CACNA1D: variants seen among roughly 807,000 people sequenced by gnomAD.
CACNA1D encodes voltage-dependent L-type calcium channel subunit alpha-1D.
Under a neutral mutation model 257.1 loss-of-function variants are expected in CACNA1D, and 55 were observed. The ratio of observed to expected loss-of-function variants is 0.21; its 90% CI spans 0.17 to 0.27. The LOEUF is 0.27. Among genes scored for constraint, CACNA1D ranks in the 10% least tolerant of loss-of-function variants. CACNA1D has a pLI of 1.00. For missense variants in CACNA1D, 1,876 were observed against 2,784.0 expected (o/e 0.67, Z 7.34); for synonymous variants, 980 against 1,014.9 (o/e 0.97, Z 0.65).
At chr3:53,707,429 G>A (rs1482668264) in intron 9 of CACNA1D, among the ~76,000 whole-genome samples, 1 of 152,130 alleles carries the variant, frequency 6.6e-6, no homozygotes, top group Non-Finnish European at 1.5e-5. Context: ...AAGAGGAGAG[G>A]CAATCAGGCC....
rs148699423 is a variant in CACNA1D at position 53,735,464 on chromosome 3, C to T, written c.2712C>T (p.Ala904=). ...TCATGCTGAGCAGCGCTGCCCTGGC[C>T]GCAGAGGACCCCATCCGCAGCCACT... ...VFIMLSSAAL[A]AEDPIRSHSF... Residue 904 remains alanine, a synonymous_variant, in exon 20 of 48, where the codon GCC becomes GCT. Coordinates refer to ENST00000350061, the MANE Select transcript of CACNA1D (RefSeq NM_001128840.3). 1.5e-5 allele frequency: 24 copies of T among 1,613,742 alleles called. No individual in the cohort carries two copies. The highest frequency in any genetic ancestry group is 1.6e-4 in the Middle Eastern group (1 of 6,084).
At chr3:53,758,363 G>A (rs1038135566) in intron 29 of CACNA1D, among the ~76,000 whole-genome samples, 5 of 152,194 alleles carry the variant, frequency 3.3e-5, no homozygotes, top group South Asian at 2.1e-4. Flanking sequence ...GGCTTCTACC[G>A]ATCTGCAGAT....
intron 45 of CACNA1D, among the ~76,000 whole-genome samples, chr3:53,805,605 C>T (rs1216396011): frequency 6.6e-6 from 1 of 152,132 alleles, no homozygotes; most frequent in Non-Finnish European, 1.5e-5. Context: ...TTGCAAAACC[C>T]CATGCCTCTG....
chr3:53,747,414 C>T lies in CACNA1D; in HGVS notation c.3280C>T (p.Leu1094Phe). The change falls in exon 26 of 48, where the codon CTC (leucine) becomes TTC (phenylalanine). Residue 1094 changes from leucine to phenylalanine, a missense_variant. Transcript: ENST00000350061. ...FDNVLSAMMA[L>F]FTVSTFEGWP... is the part of the protein sequence containing the mutation. The stretch of plus-strand genomic sequence containing the variant: ...CAACGTCCTCTCTGCTATGATGGCG[C>T]TCTTCACAGTCTCCACGTTTGAGGG... 2 of 1,614,252 alleles carry T rather than the reference C, an allele frequency of 1.2e-6. No individual in the cohort carries two copies. Among genetic ancestry groups the T allele is most frequent in the Non-Finnish European group, 1.7e-6 (2 of 1,180,024 alleles).
intron 3 of CACNA1D, among the ~76,000 whole-genome samples, chr3:53,512,226 G>A (rs895892472): frequency 1.4e-4 from 21 of 152,190 alleles, no homozygotes; most frequent in African/African-American, 5.1e-4. Flanking sequence ...TCTGGTGGGA[G>A]TGAAATTAAA....
Position 53,810,040 on chromosome 3 carries a change from C to G in CACNA1D, c.5934C>G (p.Thr1978=). The G allele has an allele frequency of 6.2e-7, 1 of 1,614,002 alleles. No individual in the cohort carries two copies. Residue 1978 remains threonine, a synonymous_variant, in exon 47 of 48, where the codon ACC becomes ACG. Transcript: ENST00000350061. ...AGAAGTACTCACCGAGTCACTCGACCCGGTCGTGGGCCACCCCTCCAGCAA... is the reference window on the plus strand; with the variant it reads ...AGAAGTACTCACCGAGTCACTCGACGCGGTCGTGGGCCACCCCTCCAGCAA... ...KAQKYSPSHS[T]RSWATPPATP... is the part of the protein sequence containing the mutation.
intron 3 of CACNA1D, among the ~76,000 whole-genome samples, chr3:53,570,083 A>G (rs985487890): frequency 6.6e-6 from 1 of 152,220 alleles, no homozygotes; most frequent in Non-Finnish European, 1.5e-5. Flanking sequence ...CCTTTTAAAT[A>G]CTGGCCGTTG....
At chr3:53,507,861 A>G (rs1254137648) in intron 3 of CACNA1D, among the ~76,000 whole-genome samples, 1 of 152,178 alleles carries the variant, frequency 6.6e-6, no homozygotes, top group Non-Finnish European at 1.5e-5. Flanking sequence ...AGATTGTGGG[A>G]ATACAACTCA....
At chr3:53,615,311 A>G (rs1380514062) in intron 3 of CACNA1D, among the ~76,000 whole-genome samples, 2 of 152,234 alleles carry the variant, frequency 1.3e-5, no homozygotes, top group East Asian at 3.8e-4. Context: ...CATGGAAATA[A>G]TAAGAGATGC....
At chr3:53,741,027 G>T (rs1313556993) in intron 21 of CACNA1D, among the ~76,000 whole-genome samples, 1 of 152,190 alleles carries the variant, frequency 6.6e-6, no homozygotes, top group Non-Finnish European at 1.5e-5. Flanking sequence ...AGCGCCCTTT[G>T]GCCGGGGTGA....
At position 53,607,439 on chromosome 3, in the gene CACNA1D, G is replaced by A. The variant is rs115087321; in HGVS notation, c.484-43340G>A. ...GGCATAAGCCAATCAGAGAGACATG[G>A]TAGAAGGAGAGGTCAGACTTAAAGA... On this transcript the variant is annotated intron_variant, in intron 3 of 47. Coordinates refer to ENST00000350061, the MANE Select transcript of CACNA1D (RefSeq NM_001128840.3). Among the ~76,000 whole-genome samples the A allele has an allele frequency of 9.0e-3, 1,371 of 152,350 alleles. 14 individuals carry two copies. Among genetic ancestry groups the A allele is most frequent in the Middle Eastern group, 0.02 (6 of 294 alleles).
At position 53,753,609 on chromosome 3, in the gene CACNA1D, A is replaced by G; in HGVS notation, c.3713A>G (p.Asp1238Gly). The change falls in exon 29 of 48, where the codon GAC becomes GGC. Residue 1238 changes from aspartate to glycine, a missense_variant. Asp to Gly is a moderately conservative substitution (Grantham distance 94, BLOSUM62 -1). Coordinates refer to ENST00000350061, the MANE Select transcript of CACNA1D (RefSeq NM_001128840.3). ...TCCAAGATGTTCAATGATGCCATGG[A>G]CATTCTGAACATGGTCTTCACCGGG... Reference protein sequence around the residue: ...EQSKMFNDAMDILNMVFTGVF... With the variant: ...EQSKMFNDAMGILNMVFTGVF... 1 of 1,613,090 alleles carries G rather than the reference A, an allele frequency of 6.2e-7. No individual in the cohort carries two copies. Among genetic ancestry groups the G allele is most frequent in the Non-Finnish European group, 8.5e-7 (1 of 1,179,002 alleles).
intron 30 of CACNA1D, among the ~76,000 whole-genome samples, chr3:53,764,831 T>A (rs73841002): frequency 0.082 from 12,480 of 152,222 alleles, 1,726 homozygotes; most frequent in African/African-American, 0.28. Flanking sequence ...AGGGGGCCCC[T>A]TCTTGGCATG....
chr3:53,636,916 G>C (rs939167449), intron 3 of CACNA1D, among the ~76,000 whole-genome samples: 7 of 152,200 alleles, frequency 4.6e-5, no homozygotes. Flanking sequence ...AAGGTGACTT[G>C]TGTCACTGAT....
rs34317106 is a variant in CACNA1D, at chr3:53,713,539, T to TGA, written c.1391-4761_1391-4760insAG. 4.4e-5 allele frequency among the ~76,000 whole-genome samples: 6 copies of TGA among 136,352 alleles called. No individual in the cohort carries two copies. In the South Asian group the frequency reaches 1.5e-3, roughly 33 times the overall value. The allele number at this position is 136,352 out of a possible 152,430, so 89.5% of individuals were successfully genotyped here. ...GTGTGTGTGTGTGTGTGTGTGTGTG[T>TGA]GTGTGAGAGATTTGCCTCCAAATTC... On this transcript the variant is annotated intron_variant, in intron 9 of 47. Coordinates refer to ENST00000350061, the MANE Select transcript of CACNA1D (RefSeq NM_001128840.3).
At chr3:53,584,322 T>C (rs2093179350) in intron 3 of CACNA1D, among the ~76,000 whole-genome samples, 1 of 152,174 alleles carries the variant, frequency 6.6e-6, no homozygotes, top group South Asian at 2.1e-4. Flanking sequence ...CAAGGTAGCA[T>C]GAAGCATTGT....
chr3:53,529,472 A>G (rs1017502002), intron 3 of CACNA1D, among the ~76,000 whole-genome samples: 1 of 152,116 alleles, frequency 6.6e-6, no homozygotes, highest in Non-Finnish European at 1.5e-5. Context: ...TTTTCTTTGT[A>G]ATGTCCCTGT....
intron 3 of CACNA1D, among the ~76,000 whole-genome samples, chr3:53,636,256 C>T (rs942522105): frequency 6.6e-6 from 1 of 152,082 alleles, no homozygotes; most frequent in African/African-American, 2.4e-5. Context: ...TACATTGTAA[C>T]TCTCAAGCAC....
At chr3:53,570,169 C>T (rs2092918485) in intron 3 of CACNA1D, among the ~76,000 whole-genome samples, 1 of 152,152 alleles carries the variant, frequency 6.6e-6, no homozygotes, top group Non-Finnish European at 1.5e-5. Context: ...TACATTTCAA[C>T]TTACAGAGCC....
Sources: gnomAD v4.1 joint callset for allele counts (sites outside exome capture counted in the v4.1 genomes callset) on GRCh38, gnomAD v4.1.1 for gene constraint, MANE v1.5 for transcripts, NCBI Gene and HGNC (gene_info 2026-07-23, HGNC 2026-07-21) for gene names.